PCDH7: variants seen among roughly 807,000 people sequenced by gnomAD.
PCDH7 encodes the protein protocadherin-7.
In PCDH7, 17 loss-of-function variants were observed where a neutral mutation model predicts 58.9. The observed-to-expected ratio is 0.29, with a 90% CI of 0.20 to 0.43. The LOEUF is 0.43. Among genes scored for constraint, PCDH7 ranks in the 20% least tolerant of loss-of-function variants. PCDH7 has a pLI of 1.00. For synonymous variants in PCDH7, 664 were observed against 616.4 expected (o/e 1.08, Z -1.14); for missense variants, 1,274 against 1,441.0 (o/e 0.88, Z 1.88).
chr4:31,061,546 GA>G (rs79612612), intron 3 of PCDH7, among the ~76,000 whole-genome samples: 35,848 of 150,022 alleles, frequency 0.24, 4,508 homozygotes, highest in South Asian at 0.34. Flanking sequence ...TGGACTTGGA[GA>G]AAAAAAAAGA....
chr4:31,041,479 C>T (rs1755852593), intron 3 of PCDH7, among the ~76,000 whole-genome samples: 1 of 152,060 alleles, frequency 6.6e-6, no homozygotes, highest in Admixed American at 6.6e-5. Context: ...TTCAACTTCA[C>T]AAGTGAAAAT....
At chr4:30,750,519 A>C (rs886701783) in intron 1 of PCDH7, among the ~76,000 whole-genome samples, 1 of 152,136 alleles carries the variant, frequency 6.6e-6, no homozygotes, top group African/African-American at 2.4e-5. Context: ...TGAGGAAATG[A>C]TGTCTGTGGC....
chr4:30,870,745 G>A (rs1735473172), intron 1 of PCDH7, among the ~76,000 whole-genome samples: 1 of 152,108 alleles, frequency 6.6e-6, no homozygotes, highest in Non-Finnish European at 1.5e-5. Flanking sequence ...AGAAGGCAAA[G>A]CTGTCAGTGA....
intron 2 of PCDH7, among the ~76,000 whole-genome samples, chr4:30,925,198 T>A (rs559420349): frequency 3.9e-4 from 60 of 152,226 alleles, no homozygotes; most frequent in South Asian, 8.3e-4. Context: ...CATGGACTTT[T>A]CATATTGCTT....
intron 1 of PCDH7, among the ~76,000 whole-genome samples, chr4:30,900,005 A>G (rs774066466): frequency 7.9e-5 from 12 of 152,202 alleles, no homozygotes; most frequent in Non-Finnish European, 1.5e-4. Context: ...GGTGTGCATC[A>G]TGATCATCTG....
chr4:30,724,869 C>T (rs1714384084), intron 1 of PCDH7: 4 of 1,238,628 alleles, frequency 3.2e-6, no homozygotes, highest in Non-Finnish European at 4.1e-6. Context: ...CACTTGACAT[C>T]CCTAATTCAT....
intron 1 of PCDH7, among the ~76,000 whole-genome samples, chr4:30,803,797 T>A (rs1379495533): frequency 2.0e-5 from 3 of 152,082 alleles, no homozygotes; most frequent in Admixed American, 6.5e-5. Context: ...AGCTAGAAGG[T>A]TTGATTGTTT....
intron 2 of PCDH7, among the ~76,000 whole-genome samples, chr4:30,933,273 C>T (rs1744910623): frequency 6.6e-6 from 1 of 152,112 alleles, no homozygotes; most frequent in Admixed American, 6.5e-5. Flanking sequence ...GATCTGCCTG[C>T]CTTGGCCTCC....
At chr4:31,019,770 A>G (rs571881496) in intron 3 of PCDH7, among the ~76,000 whole-genome samples, 235 of 152,086 alleles carry the variant, frequency 1.5e-3, no homozygotes, top group African/African-American at 5.4e-3. Context: ...AAAGACACAT[A>G]TACACACATG....
At chr4:30,898,905 T>G (rs1358729234) in intron 1 of PCDH7, among the ~76,000 whole-genome samples, 1 of 152,290 alleles carries the variant, frequency 6.6e-6, no homozygotes, top group Non-Finnish European at 1.5e-5. Context: ...ATCCCTATTT[T>G]TTAGCAAATG....
At chr4:31,132,464 C>T (rs376056294) in intron 3 of PCDH7, among the ~76,000 whole-genome samples, 1 of 152,010 alleles carries the variant, frequency 6.6e-6, no homozygotes, top group African/African-American at 2.4e-5. Flanking sequence ...ATAGAATATA[C>T]ATTCTACAAC....
chr4:30,877,344 G>A (rs1443780149), intron 1 of PCDH7, among the ~76,000 whole-genome samples: 1 of 152,140 alleles, frequency 6.6e-6, no homozygotes, highest in Non-Finnish European at 1.5e-5. Flanking sequence ...AATGTGAAAA[G>A]TGTCAGGAAG....
At chr4:31,054,117 C>A (rs188247047) in intron 3 of PCDH7, among the ~76,000 whole-genome samples, 64 of 152,172 alleles carry the variant, frequency 4.2e-4, no homozygotes, top group African/African-American at 1.1e-3. Context: ...AGGCACATAC[C>A]ACCATGCCCA....
chr4:30,823,778 G>T (rs188236145), intron 1 of PCDH7, among the ~76,000 whole-genome samples: 1 of 152,186 alleles, frequency 6.6e-6, no homozygotes, highest in East Asian at 1.9e-4. Flanking sequence ...ATAGGATAGG[G>T]CTAACTCAGC....
intron 3 of PCDH7, among the ~76,000 whole-genome samples, chr4:31,141,173 A>G (rs1284424236): frequency 6.6e-6 from 1 of 152,232 alleles, no homozygotes; most frequent in African/African-American, 2.4e-5. Context: ...GCAAAAGCAG[A>G]AAGTGTACAT....
At chr4:31,066,232 C>T (rs1299022671) in intron 3 of PCDH7, among the ~76,000 whole-genome samples, 1 of 151,744 alleles carries the variant, frequency 6.6e-6, no homozygotes, top group African/African-American at 2.4e-5. Flanking sequence ...ATAATATATG[C>T]ATATATTATG....
chr4:31,128,290 C>T (rs182735580), intron 3 of PCDH7, among the ~76,000 whole-genome samples: 1,843 of 152,086 alleles, frequency 0.012, 19 homozygotes, highest in Middle Eastern at 0.024. Flanking sequence ...AGTTGAAAAG[C>T]ACTGATCTAA....
At chr4:30,821,077 A>G (rs553909016) in intron 1 of PCDH7, among the ~76,000 whole-genome samples, 3 of 152,278 alleles carry the variant, frequency 2.0e-5, no homozygotes, top group South Asian at 2.1e-4. Flanking sequence ...AATTGTCACA[A>G]TGACTGCGTG....
At chr4:31,099,800 A>G (rs1714659575) in intron 3 of PCDH7, among the ~76,000 whole-genome samples, 1 of 152,132 alleles carries the variant, frequency 6.6e-6, no homozygotes, top group Non-Finnish European at 1.5e-5. Flanking sequence ...CCCGAAATAT[A>G]CATACATATA....
Sources: allele counts gnomAD v4.1 joint callset (sites outside exome capture counted in the v4.1 genomes callset), GRCh38; gene constraint gnomAD v4.1.1; transcripts MANE v1.5; gene names NCBI Gene and HGNC (gene_info 2026-07-23, HGNC 2026-07-21).